The following GCNA variants were observed in gnomAD, a reference collection of about 807,000 sequenced individuals.
GCNA encodes the protein germ cell nuclear acidic peptidase, also known as germ cell nuclear acidic protein.
A neutral mutation model predicts 38.8 loss-of-function variants in GCNA; 3 were observed. The observed-to-expected ratio is 0.08, with a 90% confidence interval of 0.04 to 0.20. The LOEUF (loss-of-function observed/expected upper bound fraction) is 0.20, where lower values mean the gene tolerates loss of function less well. GCNA is among the 10% of genes least tolerant of loss of function. The pLI is 1.00. For missense variants in GCNA, 446 were observed against 578.6 expected (o/e 0.77, Z 2.35); for synonymous variants, 195 against 240.2 (o/e 0.81, Z 1.74).
In GCNA at chrX:71,603,757, C is replaced by T. The variant is rs184215123; in HGVS notation, c.480C>T (p.Asp160=). The part of the protein sequence containing the change: ...DDNSDDSEAP[D]DNSDDSEAPD... ...ACAGTGATGATTCGGAAGCTCCTGA[C>T]GACAACAGTGATGATTCGGAAGCTC... The change falls in exon 8 of 13, where the codon GAC becomes GAT. Residue 160 remains aspartate (D), a synonymous_variant. Coordinates refer to ENST00000373696, the MANE Select transcript of GCNA (RefSeq NM_052957.5). The T allele has an allele frequency of 9.1e-6, 11 of 1,208,244 alleles. No individual in the cohort carries two copies. Among genetic ancestry groups the T allele is most frequent in the African/African-American group, 8.8e-5 (5 of 56,613 alleles).
chrX:71,612,216 T>TAAA (rs2040816273), intron 11 of GCNA, 139 bp from the exon 12 acceptor site: 1 of 444,639 alleles, frequency 2.2e-6, no homozygotes. Context: ...AGGTGGAGGT[T>TAAA]GCAGTGAGCT....
chrX:71,606,688 C>T (rs2040771466), intron 9 of GCNA, among the ~76,000 whole-genome samples: 1 of 111,966 alleles, frequency 8.9e-6, no homozygotes, highest in African/African-American at 3.2e-5. Flanking sequence ...AGCAGAAGGG[C>T]TGTCTGTTTC....
chrX:71,610,968 G>A, intron 11 of GCNA, 149 bp downstream of exon 11: 1 of 757,107 alleles, frequency 1.3e-6, no homozygotes, highest in Non-Finnish European at 1.8e-6. Flanking sequence ...AGAGGACATA[G>A]TTATTGGATG....
Position 71,604,200 on chromosome X carries a change from A to G in GCNA, c.923A>G (p.Lys308Arg), listed in dbSNP as rs202075711. ...GATGATTCGGAAGCTCCCGACGACA[A>G]GAGTGATGATTCGGATGTTCCCGAA... ...SSDDSEAPDD[K>R]SDDSDVPEDK... The change falls in exon 8 of 13, where the codon AAG becomes AGG. Residue 308 changes from lysine (K) to arginine (R), a missense_variant. This residue lies in a region of GCNA where 160 missense variants were observed against 165.2 expected (regional missense o/e 0.97). Transcript: ENST00000373696. The G allele has an allele frequency of 4.4e-5, 53 of 1,210,000 alleles. No individual in the cohort carries two copies. The highest frequency in any genetic ancestry group is 5.3e-5 in the Non-Finnish European group (47 of 894,914).
At chrX:71,601,540 T>TG (rs1456309648) in intron 7 of GCNA, among the ~76,000 whole-genome samples, 1 of 110,453 alleles carries the variant, frequency 9.1e-6, no homozygotes, top group Non-Finnish European at 1.9e-5. Flanking sequence ...CATCTGTTTT[T>TG]TTTTGTTTTG....
At chrX:71,606,263 A>G (rs1324098901) in intron 9 of GCNA, among the ~76,000 whole-genome samples, 1 of 112,236 alleles carries the variant, frequency 8.9e-6, no homozygotes, top group Non-Finnish European at 1.9e-5. Flanking sequence ...TACTCTTACT[A>G]CTATGTATAT....
chrX:71,579,111 G>T (rs2040525159), intron 1 of GCNA, among the ~76,000 whole-genome samples: 1 of 108,742 alleles, frequency 9.2e-6, no homozygotes, highest in Non-Finnish European at 1.9e-5. Context: ...GGTGGCGCCA[G>T]TGGCTATGTA....
chrX:71,605,971 G>A (rs896495755), intron 9 of GCNA, among the ~76,000 whole-genome samples: 11 of 112,618 alleles, frequency 9.8e-5, no homozygotes, highest in Non-Finnish European at 2.1e-4. Context: ...CCGCCAAGGT[G>A]CCTGCAGTTA....
intron 1 of GCNA, among the ~76,000 whole-genome samples, chrX:71,579,107 G>A (rs1277562998): frequency 9.3e-6 from 1 of 107,218 alleles, no homozygotes; most frequent in Non-Finnish European, 1.9e-5. Flanking sequence ...GTGTGGTGGC[G>A]CCAGTGGCTA....
intron 7 of GCNA, among the ~76,000 whole-genome samples, chrX:71,601,435 ATGT>A (rs1178983095): frequency 8.9e-6 from 1 of 111,819 alleles, no homozygotes; most frequent in Non-Finnish European, 1.9e-5. Flanking sequence ...AGTTCCATCC[ATGT>A]TGTTGCAAAT....
At chrX:71,584,555 T>C (rs1194218042) in intron 2 of GCNA, among the ~76,000 whole-genome samples, 1 of 111,930 alleles carries the variant, frequency 8.9e-6, no homozygotes, top group African/African-American at 3.2e-5. Context: ...CCCGGCCTCA[T>C]AGCATTTAAT....
intron 6 of GCNA, 58 bp from the exon 7 acceptor site, chrX:71,597,892 A>G: frequency 1.1e-6 from 1 of 946,578 alleles, no homozygotes; most frequent in Non-Finnish European, 1.5e-6. Flanking sequence ...AATGCCATGA[A>G]AAAGAAGACT....
At chrX:71,596,204 ACT>A (rs1445834167) in intron 6 of GCNA, among the ~76,000 whole-genome samples, 1 of 110,879 alleles carries the variant, frequency 9.0e-6, no homozygotes, top group Admixed American at 9.5e-5. Context: ...TGGGAGTGAG[ACT>A]CTCTCAATAA....
At chrX:71,598,113 A>C in intron 7 of GCNA, 75 bp downstream of exon 7, 3 of 757,116 alleles carry the variant, frequency 4.0e-6, no homozygotes, top group Non-Finnish European at 6.0e-6. Flanking sequence ...TCAGGATCAG[A>C]GTCCGCAGAC....
chrX:71,605,104 G>C (rs908383822), intron 8 of GCNA, among the ~76,000 whole-genome samples: 1 of 112,030 alleles, frequency 8.9e-6, no homozygotes, highest in African/African-American at 3.2e-5. Context: ...ACCCCGTCCC[G>C]GTAGACTGTG....
At chrX:71,609,177 G>A in intron 10 of GCNA, 60 bp downstream of exon 10, 1 of 1,086,825 alleles carries the variant, frequency 9.2e-7, no homozygotes, top group Non-Finnish European at 1.3e-6. Context: ...TCTTGGTGCT[G>A]TGAGGTGTGC....
chrX:71,596,832 G>C (rs2040675547), intron 6 of GCNA, among the ~76,000 whole-genome samples: 1 of 111,673 alleles, frequency 9.0e-6, no homozygotes, highest in Non-Finnish European at 1.9e-5. Flanking sequence ...AATTAGTCAG[G>C]ATGGTTGCCT....
chrX:71,581,179 T>A (rs1341111561), intron 2 of GCNA, among the ~76,000 whole-genome samples: 3 of 112,389 alleles, frequency 2.7e-5, no homozygotes, highest in Non-Finnish European at 5.6e-5. Context: ...AATTAAAACC[T>A]GTTGTTCCAC....
chrX:71,579,127 A>T (rs2040525319), intron 1 of GCNA, among the ~76,000 whole-genome samples: 1 of 90,404 alleles, frequency 1.1e-5, no homozygotes, highest in Admixed American at 1.2e-4. Context: ...ATGTAGGAAT[A>T]CGTGGCGCCG....
Sources: allele counts gnomAD v4.1 joint callset (sites outside exome capture counted in the v4.1 genomes callset), GRCh38; gene constraint gnomAD v4.1.1; regional missense constraint gnomAD v4.1.1; transcripts MANE v1.5; gene names NCBI Gene and HGNC (gene_info 2026-07-23, HGNC 2026-07-21).